RBFOX1: variants seen among roughly 807,000 people sequenced by gnomAD.
RBFOX1 encodes RNA binding protein fox-1 homolog 1.
In RBFOX1, 8 loss-of-function variants were observed where a neutral mutation model predicts 57.7. The observed-to-expected ratio is 0.14, with a 90% confidence interval of 0.08 to 0.25. The LOEUF is 0.25. Among genes scored for constraint, RBFOX1 ranks in the 10% least tolerant of loss-of-function variants. The pLI, the probability that RBFOX1 is intolerant of heterozygous loss-of-function variation, is 1.00. For synonymous variants in RBFOX1, 326 were observed against 222.4 expected (o/e 1.47, Z -4.15); for missense variants, 611 against 548.5 (o/e 1.11, Z -1.14).
At chr16:5,595,000 G>A (rs1424359738) in intron 2 of RBFOX1, among the ~76,000 whole-genome samples, 2 of 137,942 alleles carry the variant, frequency 1.4e-5, no homozygotes, top group Admixed American at 7.4e-5. Flanking sequence ...AAAAAAATTA[G>A]CCAGGTATGG....
At chr16:5,653,492 G>A (rs1172958406) in intron 3 of RBFOX1, among the ~76,000 whole-genome samples, 3 of 23,928 alleles carry the variant, frequency 1.3e-4, no homozygotes, top group African/African-American at 1.8e-4. Flanking sequence ...CGTGTGCTGC[G>A]TCTTTGAGGA....
intron 1 of RBFOX1, among the ~76,000 whole-genome samples, chr16:6,170,401 G>A (rs575832269): frequency 1.2e-4 from 18 of 152,146 alleles, no homozygotes; most frequent in Non-Finnish European, 2.5e-4. Flanking sequence ...AACAGCTGCT[G>A]AATGAGGGAA....
chr16:5,902,475 G>A (rs928295118), intron 4 of RBFOX1, among the ~76,000 whole-genome samples: 2 of 152,084 alleles, frequency 1.3e-5, no homozygotes, highest in African/African-American at 4.8e-5. Flanking sequence ...GCGTAGTGAT[G>A]CCATCTTGGC....
intron 2 of RBFOX1, among the ~76,000 whole-genome samples, chr16:5,595,960 GT>G (rs2151195110): frequency 6.6e-6 from 1 of 152,274 alleles, no homozygotes; most frequent in Non-Finnish European, 1.5e-5. Flanking sequence ...AGCAGATTGA[GT>G]TGGTACCATC....
chr16:5,259,076 C>A (rs1386849896), intron 1 of RBFOX1, among the ~76,000 whole-genome samples: 2 of 152,086 alleles, frequency 1.3e-5, no homozygotes, highest in Non-Finnish European at 2.9e-5. Flanking sequence ...CTGATAAAGC[C>A]CATTGTCATG....
intron 3 of RBFOX1, among the ~76,000 whole-genome samples, chr16:5,642,359 C>T (rs2048908959): frequency 6.6e-6 from 1 of 152,146 alleles, no homozygotes; most frequent in Non-Finnish European, 1.5e-5. Context: ...GATCAAAATC[C>T]TTAATTCCAG....
intron 4 of RBFOX1, among the ~76,000 whole-genome samples, chr16:7,175,429 G>T (rs1309080628): frequency 6.6e-6 from 1 of 152,134 alleles, no homozygotes; most frequent in East Asian, 1.9e-4. Flanking sequence ...GGCCTGAAGT[G>T]GGAGAAAGAG....
At chr16:5,956,672 A>ATT (rs1309859075) in intron 4 of RBFOX1, among the ~76,000 whole-genome samples, 38 of 78,352 alleles carry the variant, frequency 4.8e-4, no homozygotes, top group Middle Eastern at 6.9e-3. Flanking sequence ...ATATATATAT[A>ATT]TATATATTTT....
At chr16:6,508,067 C>T (rs902188018) in intron 2 of RBFOX1, among the ~76,000 whole-genome samples, 1 of 152,148 alleles carries the variant, frequency 6.6e-6, no homozygotes, top group South Asian at 2.1e-4. Flanking sequence ...TTTGCAGGGA[C>T]ATGAATGGAG....
intron 3 of RBFOX1, among the ~76,000 whole-genome samples, chr16:5,798,091 C>T (rs1477461656): frequency 6.6e-6 from 1 of 152,172 alleles, no homozygotes; most frequent in Non-Finnish European, 1.5e-5. Flanking sequence ...GGGCATGTTA[C>T]TTAACCTTTC....
intron 4 of RBFOX1, among the ~76,000 whole-genome samples, chr16:5,987,518 G>T (rs2152316121): frequency 6.6e-6 from 1 of 152,150 alleles, no homozygotes; most frequent in Non-Finnish European, 1.5e-5. Context: ...TACACTTAAG[G>T]TTGTGATCTA....
chr16:7,374,859 C>T (rs2097654739), intron 4 of RBFOX1, among the ~76,000 whole-genome samples: 1 of 152,166 alleles, frequency 6.6e-6, no homozygotes, highest in Admixed American at 6.5e-5. Context: ...GTGGTGATAG[C>T]ATGCTTTTCA....
chr16:6,417,468 C>T (rs1204753236), intron 2 of RBFOX1, among the ~76,000 whole-genome samples: 1 of 137,674 alleles, frequency 7.3e-6, no homozygotes, highest in Non-Finnish European at 1.5e-5. Flanking sequence ...TGGCTCACTG[C>T]AATCTCTGTC....
intron 2 of RBFOX1, among the ~76,000 whole-genome samples, chr16:6,405,221 G>T (rs2093233179): frequency 6.6e-6 from 1 of 152,278 alleles, no homozygotes; most frequent in East Asian, 1.9e-4. Flanking sequence ...AGAGCAGATG[G>T]CTGGGATTTT....
At chr16:6,702,901 A>T (rs1422560571) in intron 3 of RBFOX1, among the ~76,000 whole-genome samples, 4 of 152,162 alleles carry the variant, frequency 2.6e-5, no homozygotes, top group African/African-American at 9.7e-5. Context: ...GAAACTTTGT[A>T]CCTATGAGAC....
intron 3 of RBFOX1, among the ~76,000 whole-genome samples, chr16:6,972,905 C>A (rs746719100): frequency 6.6e-5 from 10 of 152,136 alleles, no homozygotes; most frequent in Non-Finnish European, 8.8e-5. Flanking sequence ...GGGTGGATCA[C>A]TTGAGGTCAG....
At chr16:5,989,156 T>TAA (rs71404568) in intron 4 of RBFOX1, among the ~76,000 whole-genome samples, 14,011 of 133,884 alleles carry the variant, frequency 0.1, 732 homozygotes, top group South Asian at 0.15. Context: ...CTGTCTCTAC[T>TAA]AAAAAAAAAA....
intron 4 of RBFOX1, among the ~76,000 whole-genome samples, chr16:7,385,667 A>C (rs2097862804): frequency 6.6e-6 from 1 of 152,180 alleles, no homozygotes; most frequent in Non-Finnish European, 1.5e-5. Flanking sequence ...TTTGATTTCT[A>C]CACAGGGATG....
At chr16:7,494,055 G>A (rs2067795778) in intron 4 of RBFOX1, among the ~76,000 whole-genome samples, 1 of 152,156 alleles carries the variant, frequency 6.6e-6, no homozygotes. Flanking sequence ...TCTTCTCCGA[G>A]AGTGGTTATG....
Sources: gnomAD v4.1 joint callset for allele counts (sites outside exome capture counted in the v4.1 genomes callset) on GRCh38, gnomAD v4.1.1 for gene constraint, MANE v1.5 for transcripts, NCBI Gene and HGNC (gene_info 2026-07-23, HGNC 2026-07-21) for gene names.